The following SYN3 variants were observed in gnomAD, a reference collection of about 807,000 sequenced individuals.
SYN3 encodes synapsin III.
Under a neutral mutation model 65.8 loss-of-function variants are expected in SYN3, and 35 were observed. That is an observed-to-expected ratio of 0.53 (90% CI 0.41 to 0.70). The LOEUF is 0.70. Ranked by LOEUF, SYN3 falls within the 30% of genes least tolerant of loss-of-function variation. The pLI is 0.00. For missense variants in SYN3, 680 were observed against 749.0 expected (o/e 0.91, Z 1.08); for synonymous variants, 270 against 292.9 (o/e 0.92, Z 0.80).
chr22:32,650,342 C>T (rs1259230587), intron 6 of SYN3, among the ~76,000 whole-genome samples: 1 of 147,696 alleles, frequency 6.8e-6, no homozygotes, highest in Non-Finnish European at 1.5e-5. Context: ...TCACAGTTCA[C>T]TGCAACCTCT....
intron 4 of SYN3, among the ~76,000 whole-genome samples, chr22:32,882,261 A>G (rs1276065858): frequency 2.0e-5 from 3 of 152,172 alleles, no homozygotes; most frequent in African/African-American, 4.8e-5. Flanking sequence ...CTCAGAAGCC[A>G]GGGCCTTCCC....
rs1009426232 is a variant in SYN3 at position 32,941,973 on chromosome 22, C to T, written c.370-10492G>A. The stretch of plus-strand genomic sequence containing the variant: ...AGGAAGCTCAAACTGGGAAGCCCAC[C>T]GCAGCTCAAGGAGGCCTGCCTACCT... On this transcript the variant is annotated intron_variant, in intron 3 of 13. Transcript: ENST00000358763. 3.2e-4 allele frequency among the ~76,000 whole-genome samples: 48 copies of T among 152,292 alleles called. 2 individuals carry two copies. Among genetic ancestry groups the T allele is most frequent in the African/African-American group, 1.0e-3 (43 of 41,562 alleles).
intron 4 of SYN3, among the ~76,000 whole-genome samples, chr22:32,913,203 C>T (rs1051672215): frequency 2.2e-4 from 33 of 151,724 alleles, no homozygotes; most frequent in Non-Finnish European, 7.4e-5. Flanking sequence ...CTCTGTCGCC[C>T]AGGCTGGACT....
intron 1 of SYN3, among the ~76,000 whole-genome samples, chr22:33,043,480 G>A (rs2054001370): frequency 6.6e-6 from 1 of 152,046 alleles, no homozygotes; most frequent in African/African-American, 2.4e-5. Flanking sequence ...CCCGGGAGAT[G>A]GAGGTTGGAG....
intron 9 of SYN3, among the ~76,000 whole-genome samples, chr22:32,535,268 T>G (rs1308863560): frequency 6.6e-6 from 1 of 152,212 alleles, no homozygotes; most frequent in Non-Finnish European, 1.5e-5. Flanking sequence ...ATTCTTGCTA[T>G]TAATTCCTTA....
chr22:32,780,750 A>C (rs1166112441), intron 6 of SYN3, among the ~76,000 whole-genome samples: 1 of 152,146 alleles, frequency 6.6e-6, no homozygotes. Context: ...TAGTTTCTTT[A>C]TCCTTAAAAT....
At chr22:32,694,422 C>T (rs2060708735) in intron 6 of SYN3, among the ~76,000 whole-genome samples, 1 of 152,142 alleles carries the variant, frequency 6.6e-6, no homozygotes, top group Admixed American at 6.5e-5. Context: ...CAATGTTTAC[C>T]ATCAATGAAT....
At chr22:32,816,211 G>A (rs959766854) in intron 6 of SYN3, among the ~76,000 whole-genome samples, 2 of 152,134 alleles carry the variant, frequency 1.3e-5, no homozygotes, top group Admixed American at 6.5e-5. Context: ...TTGCAGGGGC[G>A]GGGGTAGGGG....
At position 32,732,661 on chromosome 22, in the gene SYN3, G is replaced by A. The variant is rs139058032; in HGVS notation, c.711+132254C>T. On this transcript the variant is annotated intron_variant, in intron 6 of 13. Coordinates refer to ENST00000358763, the MANE Select transcript of SYN3 (RefSeq NM_003490.4). ...GATTAACAGTGTCTACATATCCTAT[G>A]AGGTAAATATTACTGCCTGCTTGAC... Among the ~76,000 whole-genome samples the A allele has an allele frequency of 1.2e-4, 19 of 152,310 alleles. No individual in the cohort carries two copies. The East Asian group carries it at 3.1e-3, about 25-fold the overall frequency.
intron 3 of SYN3, among the ~76,000 whole-genome samples, chr22:32,967,689 A>T (rs1347938604): frequency 6.6e-6 from 1 of 152,154 alleles, no homozygotes; most frequent in South Asian, 2.1e-4. Context: ...GTTTTCTGGG[A>T]TGTTTCATAA....
intron 6 of SYN3, among the ~76,000 whole-genome samples, chr22:32,823,872 T>A (rs1242217856): frequency 6.6e-6 from 1 of 152,170 alleles, no homozygotes; most frequent in Non-Finnish European, 1.5e-5. Context: ...CACAGTGCCC[T>A]GCCACAGGTG....
At position 32,624,270 on chromosome 22, in the gene SYN3, T is replaced by C. The variant is rs78847452; in HGVS notation, c.712-27534A>G. On this transcript the variant is annotated intron_variant, in intron 6 of 13. Transcript: ENST00000358763. ...CCTGGGTTGGGGGCTCTGGAGTGAA[T>C]TGGGCTTGCTGGGGAAGTCCCCAGA... Among the ~76,000 whole-genome samples, 1,230 of 152,164 alleles carry C rather than the reference T, an allele frequency of 8.1e-3. 21 individuals are homozygous for C. Among genetic ancestry groups the C allele is most frequent in the African/African-American group, 0.028 (1,177 of 41,530 alleles).
intron 6 of SYN3, among the ~76,000 whole-genome samples, chr22:32,742,602 G>A (rs1034372471): frequency 2.0e-5 from 3 of 152,256 alleles, no homozygotes; most frequent in African/African-American, 7.2e-5. Context: ...GGAAACAGAG[G>A]ATCAGAGTAG....
chr22:32,737,725 T>C (rs2147372263), intron 6 of SYN3, among the ~76,000 whole-genome samples: 1 of 152,286 alleles, frequency 6.6e-6, no homozygotes, highest in African/African-American at 2.4e-5. Flanking sequence ...TCAGAGACGG[T>C]ATTAACTACC....
intron 4 of SYN3, among the ~76,000 whole-genome samples, chr22:32,915,596 T>G (rs1238077540): frequency 6.6e-6 from 1 of 152,170 alleles, no homozygotes; most frequent in Non-Finnish European, 1.5e-5. Flanking sequence ...AGCTTTCCAG[T>G]TGAGGGAATA....
chr22:32,857,207 A>G, intron 6 of SYN3: 1 of 1,523,240 alleles, frequency 6.6e-7, no homozygotes, highest in South Asian at 1.1e-5. Flanking sequence ...ACGGGTGTCC[A>G]AACTGGGAAA....
chr22:32,779,871 A>T (rs1435308936), intron 6 of SYN3, among the ~76,000 whole-genome samples: 1 of 152,052 alleles, frequency 6.6e-6, no homozygotes, highest in African/African-American at 2.4e-5. Flanking sequence ...CTGCCCTGGG[A>T]TAACCTGGGC....
At chr22:32,684,390 T>C (rs1043500679) in intron 6 of SYN3, among the ~76,000 whole-genome samples, 1 of 152,170 alleles carries the variant, frequency 6.6e-6, no homozygotes, top group Non-Finnish European at 1.5e-5. Flanking sequence ...CCTGAAGCCA[T>C]TGGCCCTGGA....
intron 6 of SYN3, among the ~76,000 whole-genome samples, chr22:32,628,699 G>C (rs1196776711): frequency 6.6e-6 from 1 of 151,830 alleles, no homozygotes; most frequent in East Asian, 1.9e-4. Context: ...AGTGAGCTGA[G>C]ATCATGCCAT....
Sources: gnomAD v4.1 joint callset for allele counts (sites outside exome capture counted in the v4.1 genomes callset) on GRCh38, gnomAD v4.1.1 for gene constraint, MANE v1.5 for transcripts, NCBI Gene and HGNC (gene_info 2026-07-23, HGNC 2026-07-21) for gene names.